STPG2: variants seen among roughly 807,000 people sequenced by gnomAD.
The protein encoded by STPG2 is sperm tail PG-rich repeat containing 2.
A neutral mutation model predicts 54.2 loss-of-function variants in STPG2; 56 were observed. The ratio of observed to expected loss-of-function variants is 1.03; its 90% CI spans 0.83 to 1.29. The LOEUF (loss-of-function observed/expected upper bound fraction) is 1.29. Ranked by LOEUF, STPG2 falls within the 50% of genes most tolerant of loss-of-function variation. The pLI is 0.00. For synonymous variants in STPG2, 200 were observed against 181.8 expected, an observed-to-expected ratio of 1.10 and a Z score of -0.81; for missense variants, 596 against 544.9, an observed-to-expected ratio of 1.09 and a Z score of -0.93.
intron 9 of STPG2, among the ~76,000 whole-genome samples, chr4:97,831,830 A>T (rs1336228985): frequency 6.6e-6 from 1 of 152,212 alleles, no homozygotes; most frequent in African/African-American, 2.4e-5. Context: ...GAAGAAGTTG[A>T]ATCCCTGAAT....
intron 4 of STPG2, among the ~76,000 whole-genome samples, chr4:97,494,448 C>T (rs1730564913): frequency 6.6e-6 from 1 of 151,494 alleles, no homozygotes; most frequent in Non-Finnish European, 1.5e-5. Context: ...TTGCTGTGAA[C>T]CTGTGATGTT....
At position 97,617,076 on chromosome 4, in the gene STPG2, A is replaced by G. The variant is rs186104333; in HGVS notation, c.1321-57959T>C. 2.5e-4 allele frequency among the ~76,000 whole-genome samples: 38 copies of G among 152,154 alleles called. No homozygotes were observed. In the East Asian group the frequency reaches 7.0e-3, roughly 28 times the overall value. On this transcript the variant is annotated intron_variant, in intron 10 of 10. Coordinates refer to ENST00000295268, the MANE Select transcript of STPG2 (RefSeq NM_174952.3). Reference sequence around the variant, plus strand: ...ATATTTGTTTCTCTTGTAGCAGAAAATGAAGGCTAGAAAGAATTAGGTAAA... The same window carrying G: ...ATATTTGTTTCTCTTGTAGCAGAAAGTGAAGGCTAGAAAGAATTAGGTAAA...
In STPG2 at chr4:98,128,571, G is replaced by A. The variant is rs1220174414; in HGVS notation, c.244C>T (p.Leu82Phe). ...GAAGGAACATCAACACTTCTGGTAA[G>A]TGTAGGTGATCTTGAAATTTTCTGC... is the stretch of plus-strand genomic sequence containing the variant. ...EAQKISRSPT[L>F]TRSVDVPSIP... Residue 82 changes from leucine to phenylalanine, a missense_variant, in exon 3 of 11, where the codon CTT becomes TTT. By Grantham distance (22) the Leu-to-Phe change is conservative. Transcript: ENST00000295268. 2 of 1,593,188 alleles carry A rather than the reference G, an allele frequency of 1.3e-6. No individual in the cohort carries two copies. The highest frequency in any genetic ancestry group is 1.2e-5 in the South Asian group (1 of 86,306).
At chr4:97,575,142 A>T (rs150614939) in intron 10 of STPG2, among the ~76,000 whole-genome samples, 179 of 149,090 alleles carry the variant, frequency 1.2e-3, no homozygotes, top group Middle Eastern at 3.4e-3. Context: ...AATCAGTGAT[A>T]AAAAAAAACC....
At chr4:97,912,173 C>T (rs868684676) in intron 8 of STPG2, among the ~76,000 whole-genome samples, 5 of 151,994 alleles carry the variant, frequency 3.3e-5, no homozygotes, top group Admixed American at 2.6e-4. Context: ...GATCAGCAAC[C>T]TCAAAGATCG....
At chr4:97,859,599 G>C (rs796330994) in intron 8 of STPG2, among the ~76,000 whole-genome samples, 1 of 151,810 alleles carries the variant, frequency 6.6e-6, no homozygotes, top group East Asian at 1.9e-4. Context: ...CAAGTAGCTG[G>C]GACTACAGGC....
chr4:98,015,581 G>C (rs970108021), intron 5 of STPG2, among the ~76,000 whole-genome samples: 6 of 152,120 alleles, frequency 3.9e-5, no homozygotes, highest in African/African-American at 1.4e-4. Context: ...AGGATGTGGA[G>C]AAATAGGAAC....
intron 8 of STPG2, among the ~76,000 whole-genome samples, chr4:97,938,625 G>T (rs1260082256): frequency 6.6e-6 from 1 of 152,178 alleles, no homozygotes; most frequent in Non-Finnish European, 1.5e-5. Flanking sequence ...TGATCTGTGG[G>T]TTGCACAGAT....
At chr4:97,666,594 G>T (rs145278685) in intron 10 of STPG2, among the ~76,000 whole-genome samples, 2 of 152,200 alleles carry the variant, frequency 1.3e-5, no homozygotes, top group African/African-American at 4.8e-5. Flanking sequence ...TTCTTCCATA[G>T]ATAATCCATC....
At chr4:97,591,884 G>A (rs989488580) in intron 10 of STPG2, among the ~76,000 whole-genome samples, 1 of 152,102 alleles carries the variant, frequency 6.6e-6, no homozygotes, top group Non-Finnish European at 1.5e-5. Context: ...TAAAAAATAT[G>A]CTCTTAACTA....
intron 7 of STPG2, among the ~76,000 whole-genome samples, chr4:97,948,835 T>C (rs1445792964): frequency 6.6e-6 from 1 of 152,110 alleles, no homozygotes; most frequent in Non-Finnish European, 1.5e-5. Flanking sequence ...GTGTGTCATA[T>C]AGGTCTATCA....
intron 8 of STPG2, among the ~76,000 whole-genome samples, chr4:97,854,294 T>G (rs188440354): frequency 3.3e-5 from 5 of 152,162 alleles, no homozygotes; most frequent in Admixed American, 2.0e-4. Context: ...CATATAACCA[T>G]GGTCAAATTA....
chr4:97,568,186 A>G lies in STPG2; in HGVS notation c.1321-9069T>C, dbSNP rs148207619. ...ATACTTTAAAAAAAATTAGTCCAAA[A>G]GAAAAGAAAACATAAACAAATTTTG... On this transcript the variant is annotated intron_variant, in intron 10 of 10. Transcript: ENST00000295268. 4.1e-3 allele frequency among the ~76,000 whole-genome samples: 631 copies of G among 152,330 alleles called. 3 individuals carry two copies. The highest frequency in any genetic ancestry group is 0.02 in the South Asian group (98 of 4,830).
chr4:97,977,852 G>A (rs1050136297), intron 6 of STPG2, among the ~76,000 whole-genome samples: 6 of 152,220 alleles, frequency 3.9e-5, no homozygotes, highest in African/African-American at 1.4e-4. Flanking sequence ...GCGACCTGAT[G>A]AGTTAGAATA....
intron 10 of STPG2, among the ~76,000 whole-genome samples, chr4:97,597,282 A>T (rs111322611): frequency 0.015 from 2,266 of 152,244 alleles, 51 homozygotes; most frequent in African/African-American, 0.052. Flanking sequence ...TACCAATGAA[A>T]AAAAGCCCAC....
chr4:97,860,724 CAGAT>C (rs1729502192), intron 8 of STPG2, among the ~76,000 whole-genome samples: 2 of 151,988 alleles, frequency 1.3e-5, no homozygotes, highest in African/African-American at 2.4e-5. Flanking sequence ...CATCAGCAAA[CAGAT>C]AGTTTAACCT....
intron 5 of STPG2, among the ~76,000 whole-genome samples, chr4:98,053,052 A>T (rs1737372679): frequency 6.6e-6 from 1 of 152,196 alleles, no homozygotes; most frequent in Non-Finnish European, 1.5e-5. Flanking sequence ...AACATTAGAA[A>T]ACAGTAGTTC....
chr4:97,675,250 G>T (rs1035792388), intron 10 of STPG2, among the ~76,000 whole-genome samples: 2 of 152,010 alleles, frequency 1.3e-5, no homozygotes, highest in African/African-American at 2.4e-5. Context: ...TGATCCACCC[G>T]CCTCGGCCTC....
intron 10 of STPG2, among the ~76,000 whole-genome samples, chr4:97,703,050 A>G (rs1258755547): frequency 1.3e-5 from 2 of 152,058 alleles, no homozygotes; most frequent in Non-Finnish European, 2.9e-5. Context: ...GTTTGGAGCA[A>G]CCAACCAGCT....
Sources: allele counts gnomAD v4.1 joint callset (sites outside exome capture counted in the v4.1 genomes callset), GRCh38; gene constraint gnomAD v4.1.1; transcripts MANE v1.5; gene names NCBI Gene and HGNC (gene_info 2026-07-23, HGNC 2026-07-21).